Variants in USP54 observed in about 807,000 individuals in gnomAD.
USP54 encodes ubiquitin carboxyl-terminal hydrolase 54.
In USP54, 87 loss-of-function variants were observed where a neutral mutation model predicts 170.5. The ratio of observed to expected loss-of-function variants is 0.51; its 90% confidence interval spans 0.43 to 0.61. USP54 has a LOEUF of 0.61. Among genes scored for constraint, USP54 ranks in the 20% least tolerant of loss-of-function variants. The pLI, the probability that USP54 is intolerant of heterozygous loss-of-function variation, is 0.00. For synonymous variants in USP54, 655 were observed against 742.8 expected (o/e 0.88, Z 1.92); for missense variants, 1,786 against 2,047.8 (o/e 0.87, Z 2.47).
intron 1 of USP54, among the ~76,000 whole-genome samples, chr10:73,619,537 A>G (rs1467196167): frequency 2.0e-5 from 3 of 149,848 alleles, no homozygotes; most frequent in Non-Finnish European, 4.4e-5. Flanking sequence ...CATCTCAAAA[A>G]AAAAAAAAAA....
intron 4 of USP54, among the ~76,000 whole-genome samples, chr10:73,549,359 C>T (rs1029699347): frequency 1.3e-5 from 2 of 152,186 alleles, no homozygotes; most frequent in African/African-American, 2.4e-5. Context: ...GCTTTTGTAC[C>T]AACCTAATGT....
chr10:73,592,335 TA>T (rs1407241577), upstream of USP54, among the ~76,000 whole-genome samples: 2 of 151,696 alleles, frequency 1.3e-5, no homozygotes, highest in Admixed American at 6.6e-5. Context: ...ACGAGTTGAC[TA>T]AAAAAAAGAT....
rs754792071 is a variant in USP54, at chr10:73,529,830, C to T, written c.1910G>A (p.Arg637His). ...KFGGPSPQYKRWGPARPGSHL... is the reference protein window; with the variant it reads ...KFGGPSPQYKHWGPARPGSHL... ...AGAGCCTGGCCGTGCTGGGCCCCAGCGCTTGTACTGGGGGCTTGGTCCACC... is the reference window on the plus strand; with the variant it reads ...AGAGCCTGGCCGTGCTGGGCCCCAGTGCTTGTACTGGGGGCTTGGTCCACC... Residue 637 changes from arginine to histidine, a missense_variant, in exon 15 of 24, where the codon CGC becomes CAC. By Grantham distance (29) the Arg-to-His change is conservative. Coordinates refer to ENST00000687698, the MANE Select transcript of USP54 (RefSeq NM_001391956.1). The T allele has an allele frequency of 3.7e-6, 6 of 1,605,850 alleles. No individual in the cohort carries two copies. The highest frequency in any genetic ancestry group is 4.5e-5 in the East Asian group (2 of 44,764).
chr10:73,557,029 C>T (rs750504229), intron 4 of USP54, among the ~76,000 whole-genome samples: 16 of 152,174 alleles, frequency 1.1e-4, no homozygotes, highest in Non-Finnish European at 1.8e-4. Flanking sequence ...TGTCCTACAT[C>T]CTGGCACTGC....
chr10:73,563,359 G>A (rs1379971410), intron 4 of USP54, among the ~76,000 whole-genome samples: 1 of 152,056 alleles, frequency 6.6e-6, no homozygotes. Flanking sequence ...ATATGCTCAG[G>A]GGTTATTTGG....
chr10:73,517,484 G>C lies in USP54; in HGVS notation c.2942C>G (p.Thr981Ser), dbSNP rs370276911. The change falls in exon 20 of 24, where the codon ACT (threonine) becomes AGT (serine). Residue 981 changes from threonine (T) to serine (S), a missense_variant. Thr to Ser is a moderately conservative substitution (Grantham distance 58). Coordinates refer to ENST00000687698, the MANE Select transcript of USP54 (RefSeq NM_001391956.1). ...RQGLPKAPGWTEKNSHHSWEP... is the reference protein window; with the variant it reads ...RQGLPKAPGWSEKNSHHSWEP... ...CCAACTATGATGAGAATTCTTCTCA[G>C]TCCACCCTGGTGCTTTAGGTAAACC... The C allele has an allele frequency of 8.1e-6, 13 of 1,614,106 alleles. No individual in the cohort carries two copies. The highest frequency in any genetic ancestry group is 1.1e-5 in the Non-Finnish European group (13 of 1,180,056).
chr10:73,596,720 CA>C (rs36049099), intron 1 of USP54, among the ~76,000 whole-genome samples: 3,409 of 91,738 alleles, frequency 0.037, 75 homozygotes, highest in East Asian at 0.22. Flanking sequence ...GATCCTGTCT[CA>C]AAAAAAAAAA....
chr10:73,572,347 A>T (rs1487606541), intron 3 of USP54, among the ~76,000 whole-genome samples: 2 of 152,228 alleles, frequency 1.3e-5, no homozygotes, highest in Non-Finnish European at 2.9e-5. Flanking sequence ...AAAGGACACC[A>T]GGTAAAAACT....
At chr10:73,541,275 T>G in intron 9 of USP54, 100 bp downstream of exon 9, 1 of 1,513,612 alleles carries the variant, frequency 6.6e-7, no homozygotes, top group Non-Finnish European at 8.9e-7. Flanking sequence ...ATTATAATAC[T>G]TGTCATCTAG....
At chr10:73,507,828 AAG>A (rs1257451857) in intron 20 of USP54, among the ~76,000 whole-genome samples, 1 of 151,858 alleles carries the variant, frequency 6.6e-6, no homozygotes, top group Non-Finnish European at 1.5e-5. Flanking sequence ...TCTCTAAAAA[AAG>A]AGAAAAAAAG....
At chr10:73,583,224 C>A (rs921796592) in intron 1 of USP54, among the ~76,000 whole-genome samples, 2 of 152,154 alleles carry the variant, frequency 1.3e-5, no homozygotes, top group African/African-American at 4.8e-5. Context: ...CAGATAGGAT[C>A]CTGGAACAGA....
At chr10:73,618,931 A>C (rs2132348029) in intron 1 of USP54, among the ~76,000 whole-genome samples, 1 of 149,464 alleles carries the variant, frequency 6.7e-6, no homozygotes, top group South Asian at 2.1e-4. Context: ...TTTTTGGTAG[A>C]GGCCAGGCAG....
chr10:73,548,671 TTG>T (rs2068452798), intron 4 of USP54, among the ~76,000 whole-genome samples: 1 of 152,084 alleles, frequency 6.6e-6, no homozygotes, highest in Non-Finnish European at 1.5e-5. Flanking sequence ...TAGGTGGGAA[TTG>T]AAGAATGAGA....
At chr10:73,581,597 A>G (rs944598829) in intron 1 of USP54, among the ~76,000 whole-genome samples, 23 of 152,230 alleles carry the variant, frequency 1.5e-4, no homozygotes, top group Non-Finnish European at 2.8e-4. Context: ...CAAGTGTCAG[A>G]GAATCTAAGT....
chr10:73,557,487 AT>A (rs60308315), intron 4 of USP54, among the ~76,000 whole-genome samples: 5,612 of 133,970 alleles, frequency 0.042, 196 homozygotes, highest in East Asian at 0.21. Flanking sequence ...CACCTGGCTA[AT>A]TTTTTTTTTT....
At chr10:73,525,185 A>G (rs947444177) in intron 16 of USP54, among the ~76,000 whole-genome samples, 5 of 152,232 alleles carry the variant, frequency 3.3e-5, no homozygotes, top group Admixed American at 6.5e-5. Flanking sequence ...AGAAAAAGAC[A>G]GAAAGATATA....
intron 4 of USP54, chr10:73,546,690 GT>G (rs1564784039): frequency 6.6e-6 from 1 of 151,960 alleles, no homozygotes; most frequent in South Asian, 2.1e-4. Flanking sequence ...GTTGTTTTTT[GT>G]TTTTTATTTA....
intron 16 of USP54, 87 bp from the exon 17 acceptor site, chr10:73,523,837 T>C (rs2062331923): frequency 9.5e-7 from 1 of 1,053,024 alleles, no homozygotes; most frequent in African/African-American, 1.6e-5. Context: ...AATACTTTCC[T>C]TTTGGAATTC....
rs142088292 is a variant in USP54, at chr10:73,581,329, G to A, written c.-581-4968C>T. Reference sequence around the variant, plus strand: ...TTTCCTTGTGTAACACAGTTACTAAGTTATATGTCCCACTGTTCCCAATCT... The same window carrying A: ...TTTCCTTGTGTAACACAGTTACTAAATTATATGTCCCACTGTTCCCAATCT... On this transcript the variant is annotated intron_variant, in intron 1 of 23. Coordinates refer to ENST00000687698, the MANE Select transcript of USP54 (RefSeq NM_001391956.1). Among the ~76,000 whole-genome samples the A allele has an allele frequency of 1.4e-4, 22 of 152,330 alleles. No individual in the cohort carries two copies. The East Asian group carries it at 4.2e-3, about 29-fold the overall frequency.
Sources: allele counts gnomAD v4.1 joint callset (sites outside exome capture counted in the v4.1 genomes callset), GRCh38; gene constraint gnomAD v4.1.1; transcripts MANE v1.5; gene names NCBI Gene and HGNC (gene_info 2026-07-23, HGNC 2026-07-21).